Variants in EXTL3 observed in about 807,000 individuals in gnomAD.
EXTL3 encodes exostosin-like 3.
EXTL3 carries 27 observed loss-of-function variants against 69.3 expected under a neutral mutation model. The observed-to-expected ratio is 0.39, with a 90% confidence interval of 0.29 to 0.54. The LOEUF (loss-of-function observed/expected upper bound fraction) is 0.54. Among genes scored for constraint, EXTL3 ranks in the 20% least tolerant of loss-of-function variants. EXTL3 has a pLI of 0.69. For missense variants in EXTL3, 1,003 were observed against 1,231.8 expected, an observed-to-expected ratio of 0.81 and a Z score of 2.78; for synonymous variants, 511 against 499.4, an observed-to-expected ratio of 1.02 and a Z score of -0.31.
intron 1 of EXTL3, among the ~76,000 whole-genome samples, chr8:28,639,396 TCTG>T (rs1391949937): frequency 6.6e-6 from 1 of 152,184 alleles, no homozygotes; most frequent in African/African-American, 2.4e-5. Context: ...TGCCTCAGGT[TCTG>T]CTGCTCTGCA....
chr8:28,731,944 G>A (rs1379861439), intron 4 of EXTL3, among the ~76,000 whole-genome samples: 1 of 152,162 alleles, frequency 6.6e-6, no homozygotes, highest in Non-Finnish European at 1.5e-5. Flanking sequence ...CCAGGGACTA[G>A]CCTAGGACTT....
rs1563214708 is a variant in EXTL3, at chr8:28,716,543, GAGA to G, written c.487_489del (p.Lys163del). 1 of 1,614,148 alleles carries G rather than the reference GAGA, an allele frequency of 6.2e-7. No individual in the cohort carries two copies. Among genetic ancestry groups the G allele is most frequent in the Non-Finnish European group, 8.5e-7 (1 of 1,180,052 alleles). On this transcript the variant is annotated inframe_deletion, in exon 3 of 7. Transcript: ENST00000220562. This position sits in a 1 kb window ranked among gnomAD's most constrained non-coding sequence, Gnocchi z 7.1. ...GTCCCTGCCCATCCGACTGCTCCCA[GAGA>G]AGGACGATGCCGGCCTCCCTCCCCC...
chr8:28,696,552 C>G (rs1052793904), upstream of EXTL3: 11 of 151,982 alleles, frequency 7.2e-5, no homozygotes, highest in Non-Finnish European at 4.4e-5. Context: ...CATGCATACA[C>G]TATACATATA....
rs375862440 is a variant in EXTL3 at position 28,683,751 on chromosome 8, A to G, written c.-52-29706A>G. Among the ~76,000 whole-genome samples, 226 of 152,164 alleles carry G rather than the reference A, an allele frequency of 1.5e-3. 1 individual carries two copies. Among genetic ancestry groups the G allele is most frequent in the African/African-American group, 5.1e-3 (211 of 41,516 alleles). On this transcript the variant is annotated intron_variant, in intron 1 of 6. Coordinates refer to the EXTL3 transcript ENST00000523149. ...CGAGAACCCAGGAGGCGGAGCTTGC[A>G]GTGAGCTGAGATTGCCCCACTGCAC...
rs1180015372 is a variant in EXTL3 at position 28,623,382 on chromosome 8, A to G, written c.-53+572A>G. Among the ~76,000 whole-genome samples, 3 of 152,206 alleles carry G rather than the reference A, an allele frequency of 2.0e-5. No individual in the cohort carries two copies. The highest frequency in any genetic ancestry group is 7.2e-5 in the African/African-American group (3 of 41,466). On this transcript the variant is annotated intron_variant, in intron 1 of 6. Coordinates refer to the EXTL3 transcript ENST00000523149. The surrounding 1 kb of genome is among the most constrained non-coding windows in gnomAD (Gnocchi z 4.2). ...GCCGTACCTGCGAGCCCCTCAGCAC[A>G]GCTGACTTTAATTTGGGATCCCACA...
At chr8:28,697,228 G>T (rs577043124), upstream of EXTL3, 13 of 152,250 alleles carry the variant, frequency 8.5e-5, no homozygotes, top group African/African-American at 2.9e-4. Context: ...ACAAATGAAT[G>T]GTGTGTGCCT....
chr8:28,706,624 C>T (rs1585264706), intron 1 of EXTL3, among the ~76,000 whole-genome samples: 1 of 152,224 alleles, frequency 6.6e-6, no homozygotes, highest in East Asian at 1.9e-4. Context: ...TATAATTTTA[C>T]AATACTTTGA....
upstream of EXTL3, chr8:28,699,348 C>T (rs984621099): frequency 6.6e-6 from 1 of 152,542 alleles, no homozygotes; most frequent in African/African-American, 2.4e-5. Flanking sequence ...AAGAAAGTAG[C>T]CCCAGTCATA....
chr8:28,729,616 A>AT, intron 3 of EXTL3, among the ~76,000 whole-genome samples: 1 of 150,524 alleles, frequency 6.6e-6, no homozygotes, highest in African/African-American at 2.4e-5. Context: ...AAAAAAAAAA[A>AT]AAAAAAAGCA....
intron 1 of EXTL3, among the ~76,000 whole-genome samples, chr8:28,695,469 T>C (rs1171026150): frequency 6.6e-6 from 1 of 152,174 alleles, no homozygotes; most frequent in Non-Finnish European, 1.5e-5. Context: ...CTGGGACATG[T>C]GGGTACCACA....
At chr8:28,747,348 C>A (rs1461187395) in intron 6 of EXTL3, among the ~76,000 whole-genome samples, 4 of 152,112 alleles carry the variant, frequency 2.6e-5, no homozygotes, top group Non-Finnish European at 5.9e-5. Flanking sequence ...GGAGGGGGAC[C>A]TGTGGAGGTC....
chr8:28,635,472 C>T (rs930499343), intron 1 of EXTL3, among the ~76,000 whole-genome samples: 4 of 147,682 alleles, frequency 2.7e-5, no homozygotes, highest in Non-Finnish European at 4.5e-5. Context: ...GAGGCCGAGG[C>T]GGGCGGATCA....
upstream of EXTL3, among the ~76,000 whole-genome samples, chr8:28,622,547 C>A (rs1023123673): frequency 1.6e-5 from 2 of 125,012 alleles, no homozygotes; most frequent in Non-Finnish European, 3.3e-5. Context: ...CGGGAGCCGA[C>A]GCGGAGGCGG....
intron 1 of EXTL3, among the ~76,000 whole-genome samples, chr8:28,693,202 T>A (rs1359944394): frequency 6.8e-6 from 1 of 148,006 alleles, no homozygotes; most frequent in Non-Finnish European, 1.5e-5. Flanking sequence ...CAGGCTGGAG[T>A]GCAATGGCAT....
At chr8:28,650,498 C>T (rs1806902013) in intron 1 of EXTL3, among the ~76,000 whole-genome samples, 1 of 151,868 alleles carries the variant, frequency 6.6e-6, no homozygotes, top group Non-Finnish European at 1.5e-5. Flanking sequence ...GCTGGGATTA[C>T]AGGTACGCGC....
chr8:28,698,491 G>A (rs1800719711), upstream of EXTL3: 1 of 152,222 alleles, frequency 6.6e-6, no homozygotes, highest in Admixed American at 6.5e-5. Context: ...GGATTAAAGT[G>A]AGACAGTGAA....
chr8:28,612,443 C>T (rs1480532522), intron 2 of EXTL3, among the ~76,000 whole-genome samples: 6 of 142,262 alleles, frequency 4.2e-5, no homozygotes, highest in Admixed American at 7.4e-5. Context: ...GCCTGGGTGA[C>T]GGAGCGAGAC....
At chr8:28,721,471 G>A (rs1301086915) in intron 3 of EXTL3, among the ~76,000 whole-genome samples, 3 of 152,122 alleles carry the variant, frequency 2.0e-5, no homozygotes, top group East Asian at 1.9e-4. Context: ...GTCTTTCTTG[G>A]TACCAACTCT....
At chr8:28,626,596 T>G (rs1362739698) in intron 1 of EXTL3, among the ~76,000 whole-genome samples, 1 of 152,228 alleles carries the variant, frequency 6.6e-6, no homozygotes, top group Non-Finnish European at 1.5e-5. Flanking sequence ...GCGCATTCTG[T>G]AAGTGTTTAC....
Sources: gnomAD v4.1 joint callset for allele counts (sites outside exome capture counted in the v4.1 genomes callset) on GRCh38, gnomAD v4.1.1 for gene constraint, Gnocchi (gnomAD v3.1) non-coding constraint, MANE v1.5 for transcripts, NCBI Gene and HGNC (gene_info 2026-07-23, HGNC 2026-07-21) for gene names.